HADHB: variants seen among roughly 807,000 people sequenced by gnomAD.
The protein encoded by HADHB is trifunctional enzyme subunit beta, mitochondrial.
Under a neutral mutation model 61.9 loss-of-function variants are expected in HADHB, and 50 were observed. The ratio of observed to expected loss-of-function variants is 0.81; its 90% confidence interval spans 0.64 to 1.02. The LOEUF (loss-of-function observed/expected upper bound fraction) is 1.02. Ranked by LOEUF, HADHB falls within the 50% of genes least tolerant of loss-of-function variation. The probability of loss-of-function intolerance (pLI) is 0.00; values close to 1 mark genes in which losing one functional copy is unlikely to be tolerated. For synonymous variants in HADHB, 191 were observed against 201.6 expected (o/e 0.95, Z 0.45); for missense variants, 504 against 586.5 (o/e 0.86, Z 1.45).
chr2:26,251,745 G>A (rs1472262426), intron 1 of HADHB, among the ~76,000 whole-genome samples: 1 of 152,102 alleles, frequency 6.6e-6, no homozygotes, highest in East Asian at 1.9e-4. Flanking sequence ...CAATCCACAT[G>A]TTTGGAACAT....
chr2:26,264,210 A>C (rs572883854), intron 4 of HADHB, among the ~76,000 whole-genome samples: 1 of 152,176 alleles, frequency 6.6e-6, no homozygotes, highest in African/African-American at 2.4e-5. Flanking sequence ...ATCTTTATAT[A>C]CTAATATGGA....
intron 1 of HADHB, among the ~76,000 whole-genome samples, chr2:26,249,963 A>G (rs535229375): frequency 6.6e-6 from 1 of 152,276 alleles, no homozygotes; most frequent in East Asian, 1.9e-4. Flanking sequence ...AATGGATATT[A>G]GAGTACAAAC....
chr2:26,281,827 G>A (rs913180608), intron 10 of HADHB, among the ~76,000 whole-genome samples: 5 of 152,292 alleles, frequency 3.3e-5, no homozygotes, highest in South Asian at 2.1e-4. Context: ...ATAAAAATAC[G>A]ACAGAATGTG....
intron 1 of HADHB, among the ~76,000 whole-genome samples, chr2:26,245,847 T>C (rs1671129396): frequency 6.6e-6 from 1 of 152,154 alleles, no homozygotes; most frequent in Non-Finnish European, 1.5e-5. Context: ...ATTATTATCA[T>C]TTGCATTTTC....
chr2:26,283,623 A>G (rs1273194169), intron 12 of HADHB, among the ~76,000 whole-genome samples: 1 of 152,158 alleles, frequency 6.6e-6, no homozygotes, highest in East Asian at 1.9e-4. Flanking sequence ...TAAGTTTTAC[A>G]TATATATATG....
intron 12 of HADHB, 116 bp from the exon 13 acceptor site, chr2:26,283,996 AAAATC>A: frequency 1.5e-6 from 1 of 687,264 alleles, no homozygotes; most frequent in Non-Finnish European, 2.6e-6. Context: ...TCAGTACAGA[AAAATC>A]AAAGAATGAG....
intron 3 of HADHB, among the ~76,000 whole-genome samples, chr2:26,257,206 T>G (rs552807324): frequency 6.6e-5 from 10 of 151,128 alleles, no homozygotes; most frequent in Non-Finnish European, 1.2e-4. Context: ...CTGCAAGCTC[T>G]GCCTCCCAGG....
At chr2:26,261,606 C>G (rs1009344700) in intron 3 of HADHB, 6 of 152,596 alleles carry the variant, frequency 3.9e-5, no homozygotes, top group Admixed American at 6.5e-5. Context: ...AAAACCCCAT[C>G]TTTACTAAAA....
At chr2:26,289,318 T>C (rs976614822) in intron 15 of HADHB, among the ~76,000 whole-genome samples, 7 of 152,112 alleles carry the variant, frequency 4.6e-5, no homozygotes, top group African/African-American at 1.7e-4. Flanking sequence ...CCTCAGATCA[T>C]TATCTTAACC....
chr2:26,261,073 G>C (rs1458924969), intron 3 of HADHB: 2 of 1,308,730 alleles, frequency 1.5e-6, no homozygotes, highest in East Asian at 5.0e-5. Flanking sequence ...GGTGAGTCCA[G>C]TACCTACTCT....
At chr2:26,270,718 T>C (rs958505379) in intron 5 of HADHB, among the ~76,000 whole-genome samples, 2 of 152,316 alleles carry the variant, frequency 1.3e-5, no homozygotes, top group African/African-American at 4.8e-5. Context: ...AATAATGGTT[T>C]TATGATTGCT....
At chr2:26,281,458 C>T (rs1467582866) in intron 10 of HADHB, among the ~76,000 whole-genome samples, 1 of 152,114 alleles carries the variant, frequency 6.6e-6, no homozygotes, top group Non-Finnish European at 1.5e-5. Flanking sequence ...CTGTTAAGCC[C>T]AGGTGGTGAA....
In HADHB at chr2:26,290,189, G is replaced by C; in HGVS notation, c.*236G>C. On this transcript the variant is annotated 3_prime_UTR_variant, in exon 16 of 16. Transcript: ENST00000317799. ...ACCAGAATCTCACATGAGATGTGTG[G>C]GTGGTTGTTTTTGGTCTCTGTTGTC... 1 of 562,418 alleles carries C rather than the reference G, an allele frequency of 1.8e-6. No individual in the cohort carries two copies. The highest frequency in any genetic ancestry group is 3.2e-6 in the Non-Finnish European group (1 of 313,352). 34.8% of individuals were successfully genotyped at this position (562,418 alleles called of 1,614,324 possible). A position where few individuals can be genotyped will look rare whatever the true frequency, so the allele number is the denominator to read the frequency against.
intron 1 of HADHB, among the ~76,000 whole-genome samples, chr2:26,246,148 G>T (rs1379031095): frequency 6.6e-6 from 1 of 152,160 alleles, no homozygotes; most frequent in Non-Finnish European, 1.5e-5. Context: ...ATCTTACAAG[G>T]TTTTTACAGT....
At chr2:26,269,348 C>CTA (rs1672238288) in intron 4 of HADHB, among the ~76,000 whole-genome samples, 1 of 152,094 alleles carries the variant, frequency 6.6e-6, no homozygotes, top group Admixed American at 6.6e-5. Flanking sequence ...ATCCATGCCA[C>CTA]CACGCCTGGC....
intron 1 of HADHB, among the ~76,000 whole-genome samples, chr2:26,249,159 A>G (rs1282788108): frequency 1.3e-5 from 2 of 152,068 alleles, no homozygotes; most frequent in African/African-American, 4.8e-5. Context: ...TTGTTTTCTC[A>G]TTCTTGCTTT....
chr2:26,284,206 T>G lies in HADHB; in HGVS notation c.1149+2T>G. ...TTTGAATTTCATGAAGCTTTCTCGG[T>G]AAGTAATTTGAAAGACACATATGAA... On this transcript the variant is annotated splice_donor_variant, in intron 13 of 15. Transcript: ENST00000317799. LOFTEE classifies it high-confidence loss of function. 1 of 1,499,752 alleles carries G rather than the reference T, an allele frequency of 6.7e-7. No homozygotes were observed. The highest frequency in any genetic ancestry group is 9.3e-7 in the Non-Finnish European group (1 of 1,076,324). The allele number at this position is 1,499,752 out of a possible 1,614,324, so 92.9% of individuals were successfully genotyped here.
chr2:26,282,783 G>A lies in HADHB; in HGVS notation c.934-62G>A, dbSNP rs1672845359. On this transcript the variant is annotated intron_variant, in intron 10 of 15. Transcript: ENST00000317799. The stretch of plus-strand genomic sequence containing the variant: ...AGATTCAGGTACAGATATATAAGAT[G>A]GCTGGAGAAAGACCTCCAGACAGGC... 5 of 1,125,990 alleles carry A rather than the reference G, an allele frequency of 4.4e-6. No individual in the cohort carries two copies. The South Asian group carries it at 6.3e-5, about 14-fold the overall frequency. The allele number at this position is 1,125,990 out of a possible 1,614,324, so 69.7% of individuals were successfully genotyped here.
At chr2:26,260,777 T>A in intron 3 of HADHB, 1 of 529,896 alleles carries the variant, frequency 1.9e-6, no homozygotes, top group African/African-American at 1.9e-5. Context: ...AGGGGCCAGC[T>A]ACTTTGTCTC....
Sources: gnomAD v4.1 joint callset for allele counts (sites outside exome capture counted in the v4.1 genomes callset) on GRCh38, gnomAD v4.1.1 for gene constraint, MANE v1.5 for transcripts, NCBI Gene and HGNC (gene_info 2026-07-23, HGNC 2026-07-21) for gene names.